The following CHN2 variants were observed in gnomAD, a reference collection of about 807,000 sequenced individuals.
The protein encoded by CHN2 is chimerin 2, also known as beta-chimaerin.
CHN2 carries 35 observed loss-of-function variants against 56.3 expected under a neutral mutation model. The observed-to-expected ratio is 0.62, with a 90% confidence interval of 0.47 to 0.82. The LOEUF (loss-of-function observed/expected upper bound fraction) is 0.82. Ranked by LOEUF, CHN2 falls within the 40% of genes least tolerant of loss-of-function variation. The pLI, the probability that CHN2 is intolerant of heterozygous loss-of-function variation, is 0.00. For missense variants in CHN2, 491 were observed against 580.5 expected, an observed-to-expected ratio of 0.85 and a Z score of 1.58; for synonymous variants, 210 against 212.8, an observed-to-expected ratio of 0.99 and a Z score of 0.12.
intron 7 of CHN2, among the ~76,000 whole-genome samples, chr7:29,490,822 G>A (rs1023979335): frequency 1.6e-4 from 25 of 152,238 alleles, no homozygotes; most frequent in African/African-American, 6.0e-4. Flanking sequence ...TCAGTTTTTT[G>A]TATATGTTGA....
chr7:29,511,751 C>T (rs972244178), intron 12 of CHN2, among the ~76,000 whole-genome samples: 3 of 151,758 alleles, frequency 2.0e-5, no homozygotes, highest in Admixed American at 1.3e-4. Flanking sequence ...ATATTTTGCT[C>T]ATTTTTGGAG....
At chr7:29,497,931 A>G (rs1474265062) in intron 8 of CHN2, among the ~76,000 whole-genome samples, 1 of 152,132 alleles carries the variant, frequency 6.6e-6, no homozygotes, top group Non-Finnish European at 1.5e-5. Context: ...TTTAATGGGT[A>G]TAGTTTCAGC....
intron 2 of CHN2, chr7:29,185,440 A>C (rs1407935672): frequency 6.6e-6 from 1 of 152,160 alleles, no homozygotes; most frequent in Non-Finnish European, 1.5e-5. Context: ...TCTTGATAAG[A>C]ATTTGATTCC....
chr7:29,350,920 C>T (rs1212892116), intron 1 of CHN2, among the ~76,000 whole-genome samples: 2 of 152,056 alleles, frequency 1.3e-5, no homozygotes, highest in East Asian at 3.9e-4. Context: ...CAAGCCTGCT[C>T]AAGATGATGA....
intron 3 of CHN2, among the ~76,000 whole-genome samples, chr7:29,376,879 C>T (rs1246767270): frequency 2.0e-5 from 3 of 152,136 alleles, no homozygotes; most frequent in Non-Finnish European, 2.9e-5. Flanking sequence ...AATGTGAATC[C>T]TGCTTGTAAG....
chr7:29,334,127 C>T (rs1053613699), intron 1 of CHN2, among the ~76,000 whole-genome samples: 11 of 149,618 alleles, frequency 7.4e-5, no homozygotes, highest in Admixed American at 3.3e-4. Flanking sequence ...TCTCGGCTCA[C>T]TGCAACCTCT....
At chr7:29,286,282 C>T (rs1318836474) in intron 1 of CHN2, among the ~76,000 whole-genome samples, 3 of 148,634 alleles carry the variant, frequency 2.0e-5, no homozygotes, top group African/African-American at 7.5e-5. Flanking sequence ...TACCAGTGAA[C>T]CTTGGAGTAC....
chr7:29,508,317 A>G (rs189993371), intron 11 of CHN2, among the ~76,000 whole-genome samples: 228 of 152,100 alleles, frequency 1.5e-3, no homozygotes, highest in Admixed American at 5.8e-3. Flanking sequence ...AGGAAGAGTC[A>G]AAAGTGACCA....
At chr7:29,497,893 G>A (rs1055489002) in intron 8 of CHN2, among the ~76,000 whole-genome samples, 13 of 152,166 alleles carry the variant, frequency 8.5e-5, no homozygotes, top group Non-Finnish European at 1.8e-4. Context: ...GGTAGTTACA[G>A]GGGATGGGTA....
chr7:29,415,631 G>C (rs535385557), intron 6 of CHN2, among the ~76,000 whole-genome samples: 22 of 152,276 alleles, frequency 1.4e-4, no homozygotes, highest in East Asian at 9.7e-4. Flanking sequence ...GGTTGGAGAG[G>C]GGGGAGGCTG....
chr7:29,146,966 C>T (rs1409706349), intron 2 of CHN2: 11 of 1,550,936 alleles, frequency 7.1e-6, no homozygotes, highest in Non-Finnish European at 9.6e-6. Context: ...TAGCAGTAAG[C>T]TCGCACCAAG....
At chr7:29,146,604 A>G (rs1414881959) in exon 1 of CHN2, 3 of 1,550,314 alleles carry the variant, frequency 1.9e-6, no homozygotes, top group Non-Finnish European at 2.6e-6. Flanking sequence ...CCCACAGGGC[A>G]AAAAGTGCGT....
intron 6 of CHN2, among the ~76,000 whole-genome samples, chr7:29,403,285 A>AG (rs1323857314): frequency 8.0e-6 from 1 of 125,094 alleles, no homozygotes; most frequent in Non-Finnish European, 1.6e-5. Context: ...ACTAGAAAAG[A>AG]GGGACTGGAA....
Position 29,322,772 on chromosome 7 carries a change from C to A in CHN2, c.50-31853C>A, listed in dbSNP as rs1273515720. The stretch of plus-strand genomic sequence containing the variant: ...GGACGGCCTAGAGTTAGAGGATAGA[C>A]ATGCCTCGATTTGGGAAGCACTGTG... On this transcript the variant is annotated intron_variant, in intron 1 of 12. Coordinates refer to ENST00000222792, the MANE Select transcript of CHN2 (RefSeq NM_004067.4). Among the ~76,000 whole-genome samples the A allele has an allele frequency of 2.0e-5, 3 of 152,282 alleles. No individual in the cohort carries two copies. The East Asian group carries it at 5.8e-4, about 29-fold the overall frequency.
chr7:29,234,704 A>G (rs912694738), intron 1 of CHN2, among the ~76,000 whole-genome samples: 4 of 152,156 alleles, frequency 2.6e-5, no homozygotes, highest in African/African-American at 7.2e-5. Context: ...TTTCTCATCT[A>G]CTGTGGCAAT....
chr7:29,494,950 TAAAAAAAAA>T (rs5883217), intron 7 of CHN2, among the ~76,000 whole-genome samples: 15 of 64,654 alleles, frequency 2.3e-4, no homozygotes, highest in South Asian at 9.5e-4. Flanking sequence ...AAGCAGTTTG[TAAAAAAAAA>T]AAAAAAAAAA....
chr7:29,248,493 G>A (rs958562476), intron 1 of CHN2, among the ~76,000 whole-genome samples: 1 of 152,188 alleles, frequency 6.6e-6, no homozygotes, highest in African/African-American at 2.4e-5. Context: ...TCAACCTGCT[G>A]ATGAATTCCC....
At chr7:29,318,745 A>T (rs39120) in intron 1 of CHN2, among the ~76,000 whole-genome samples, 86,068 of 152,034 alleles carry the variant, frequency 0.57, 24,559 homozygotes, top group East Asian at 0.65. Context: ...TAATTTATAA[A>T]CCTAAATTAA....
At chr7:29,231,879 A>G (rs908634045) in intron 1 of CHN2, among the ~76,000 whole-genome samples, 1 of 152,216 alleles carries the variant, frequency 6.6e-6, no homozygotes, top group African/African-American at 2.4e-5. Flanking sequence ...TGAACAGATC[A>G]TCTTACTAAT....
Sources: gnomAD v4.1 joint callset for allele counts (sites outside exome capture counted in the v4.1 genomes callset) on GRCh38, gnomAD v4.1.1 for gene constraint, MANE v1.5 for transcripts, NCBI Gene and HGNC (gene_info 2026-07-23, HGNC 2026-07-21) for gene names.